VAC14: variants seen among roughly 807,000 people sequenced by gnomAD.
VAC14 encodes the protein protein VAC14 homolog.
A neutral mutation model predicts 85.3 loss-of-function variants in VAC14; 47 were observed. The observed-to-expected ratio is 0.55, with a 90% CI of 0.44 to 0.70. The LOEUF (loss-of-function observed/expected upper bound fraction) is 0.70, where lower values mean the gene tolerates loss of function less well. Ranked by LOEUF, VAC14 falls within the 30% of genes least tolerant of loss-of-function variation. VAC14 has a pLI of 0.00. For synonymous variants in VAC14, 447 were observed against 430.5 expected (o/e 1.04, Z -0.47); for missense variants, 861 against 1,004.3 (o/e 0.86, Z 1.93).
intron 14 of VAC14, among the ~76,000 whole-genome samples, chr16:70,721,072 T>C (rs2054278907): frequency 6.6e-6 from 1 of 152,144 alleles, no homozygotes; most frequent in South Asian, 2.1e-4. Context: ...GGGTGACACA[T>C]GTCCTATTGA....
chr16:70,780,811 T>G lies in VAC14; in HGVS notation c.1075A>C (p.Lys359Gln). 1 of 1,607,926 alleles carries G rather than the reference T, an allele frequency of 6.2e-7. No individual in the cohort carries two copies. Among genetic ancestry groups the G allele is most frequent in the Non-Finnish European group, 8.5e-7 (1 of 1,175,902 alleles). Reference sequence around the variant, plus strand: ...TCACCACTGGCTGTGCCCTCCTGCTTTGGCAGGGCATCGTCAGGGGTGGGC... The same window carrying G: ...TCACCACTGGCTGTGCCCTCCTGCTGTGGCAGGGCATCGTCAGGGGTGGGC... The part of the protein sequence containing the change: ...AEPTPDDALP[K>Q]QEGTASGGPD... Residue 359 changes from lysine (K) to glutamine (Q), a missense_variant, in exon 9 of 19, where the codon AAG becomes CAG. Physicochemically the swap from Lys to Gln is moderately conservative, Grantham distance 53. This residue lies in a region of VAC14 where 629 missense variants were observed against 703.1 expected (regional missense o/e 0.89). Coordinates refer to ENST00000261776, the MANE Select transcript of VAC14 (RefSeq NM_018052.5).
intron 8 of VAC14, among the ~76,000 whole-genome samples, chr16:70,781,396 C>G (rs767539693): frequency 6.6e-6 from 1 of 152,224 alleles, no homozygotes. Flanking sequence ...AGAGTGGTCC[C>G]AGCCAGGGGA....
At chr16:70,738,148 C>T (rs1567553172) in intron 13 of VAC14, among the ~76,000 whole-genome samples, 1 of 152,128 alleles carries the variant, frequency 6.6e-6, no homozygotes, top group Non-Finnish European at 1.5e-5. Flanking sequence ...GGTATGGAAC[C>T]AAGAGGACAG....
intron 14 of VAC14, among the ~76,000 whole-genome samples, chr16:70,703,027 G>A (rs372877371): frequency 6.6e-6 from 1 of 152,358 alleles, no homozygotes; most frequent in East Asian, 1.9e-4. Context: ...TCGACTTCCA[G>A]AACCTGAGTT....
chr16:70,751,965 G>A (rs2031425748), intron 12 of VAC14, among the ~76,000 whole-genome samples: 1 of 152,220 alleles, frequency 6.6e-6, no homozygotes, highest in Non-Finnish European at 1.5e-5. Flanking sequence ...CTAAAAGAAC[G>A]CTTAGCTTTG....
chr16:70,731,805 T>G (rs1216512759), intron 13 of VAC14, among the ~76,000 whole-genome samples, 178 bp from the exon 14 acceptor site: 1 of 152,086 alleles, frequency 6.6e-6, no homozygotes, highest in Non-Finnish European at 1.5e-5. Flanking sequence ...AAGGCAAGTC[T>G]GCACAAGCAA....
chr16:70,766,466 T>G (rs1445503961), intron 10 of VAC14: 1 of 456,622 alleles, frequency 2.2e-6, no homozygotes, highest in Non-Finnish European at 4.4e-6. Context: ...ACAGCGAACC[T>G]GAAGGTATAG....
At position 70,780,841 on chromosome 16, in the gene VAC14, C is replaced by T. The variant is rs1468397236; in HGVS notation, c.1045G>A (p.Ala349Thr). Residue 349 changes from alanine to threonine, a missense_variant, in exon 9 of 19, where the codon GCA (alanine) becomes ACA (threonine). Ala to Thr is a moderately conservative substitution (Grantham distance 58). Transcript: ENST00000261776. ...AGGGCATCGTCAGGGGTGGGCTCTG[C>T]CTGCCTCTGCCCAGGTCTCAGCTCA... Reference protein sequence around the residue: ...LDELRPGQRQAEPTPDDALPK... With the variant: ...LDELRPGQRQTEPTPDDALPK... The T allele has an allele frequency of 6.2e-7, 1 of 1,613,472 alleles. No individual in the cohort carries two copies.
At chr16:70,768,470 C>G (rs1597976582) in intron 10 of VAC14, 1 of 236,788 alleles carries the variant, frequency 4.2e-6, no homozygotes, top group East Asian at 1.6e-4. Context: ...TCCACCTCTC[C>G]CTGGGGAGTC....
chr16:70,764,341 G>A (rs569292188), intron 10 of VAC14, among the ~76,000 whole-genome samples: 53 of 152,310 alleles, frequency 3.5e-4, no homozygotes, highest in African/African-American at 1.2e-3. Context: ...GTCTCTGGGC[G>A]GGTGGCCACT....
chr16:70,762,588 G>T lies in VAC14; in HGVS notation c.1323C>A (p.Asp441Glu). The change falls in exon 12 of 19, where the codon GAC becomes GAA. Residue 441 changes from aspartate to glutamate, a missense_variant. By Grantham distance (45) the Asp-to-Glu change is conservative. Coordinates refer to ENST00000261776, the MANE Select transcript of VAC14 (RefSeq NM_018052.5). The surrounding 1 kb of genome is among the most constrained non-coding windows in gnomAD (Gnocchi z 4.1). ...TCTGCAGTAGGATGGGAAAGAGGCT[G>T]TCCGTGTGCCGGAACATCTGGAGGG... The part of the protein sequence containing the change: ...KTPRKMFRHT[D>E]SLFPILLQTL... The T allele has an allele frequency of 6.2e-7, 1 of 1,614,140 alleles. No homozygotes were observed. Among genetic ancestry groups the T allele is most frequent in the Non-Finnish European group, 8.5e-7 (1 of 1,179,996 alleles).
In VAC14 at chr16:70,763,016, T is replaced by C. The variant is rs1280764559; in HGVS notation, c.1170A>G (p.Arg390=). ...ISVFTAASTE[R]APVTLHLDGI... is the part of the protein sequence containing the mutation. ...CGTCGAGGTGAAGGGTCACTGGGGC[T>C]CTTTCAGTGCTGTGGGTAAGATCGG... Residue 390 remains arginine (R), a synonymous_variant, in exon 11 of 19, where the codon AGA becomes AGG. Coordinates refer to ENST00000261776, the MANE Select transcript of VAC14 (RefSeq NM_018052.5). The C allele has an allele frequency of 6.2e-7, 1 of 1,614,074 alleles. No individual in the cohort carries two copies. The highest frequency in any genetic ancestry group is 8.5e-7 in the Non-Finnish European group (1 of 1,180,028).
chr16:70,775,605 C>G (rs2033477937), intron 9 of VAC14, among the ~76,000 whole-genome samples: 1 of 152,176 alleles, frequency 6.6e-6, no homozygotes, highest in Non-Finnish European at 1.5e-5. Flanking sequence ...TGGGCCCGCT[C>G]AGATGCTCGT....
chr16:70,797,902 T>C (rs376561520), intron 1 of VAC14, among the ~76,000 whole-genome samples: 13 of 152,334 alleles, frequency 8.5e-5, no homozygotes, highest in African/African-American at 2.9e-4. Context: ...GGAAGCATCC[T>C]GAGGCCCCGC....
intron 1 of VAC14, among the ~76,000 whole-genome samples, chr16:70,796,333 C>T (rs1373516413): frequency 1.3e-5 from 2 of 152,190 alleles, no homozygotes; most frequent in East Asian, 3.9e-4. Flanking sequence ...ACAATCCCCT[C>T]TTATTAGTGG....
chr16:70,745,517 G>A (rs913202446), intron 12 of VAC14, among the ~76,000 whole-genome samples: 7 of 134,666 alleles, frequency 5.2e-5, no homozygotes, highest in African/African-American at 2.4e-4. Context: ...GTGTGTGTGT[G>A]TGCGCGTGTG....
At chr16:70,697,033 G>C (rs1245028188) in intron 16 of VAC14, 106 bp downstream of exon 16, 1 of 858,980 alleles carries the variant, frequency 1.2e-6, no homozygotes, top group African/African-American at 1.7e-5. Context: ...GGAGGGGTGG[G>C]GACAGGAGCA....
chr16:70,713,337 G>C (rs1173195204), intron 14 of VAC14, among the ~76,000 whole-genome samples: 2 of 152,244 alleles, frequency 1.3e-5, no homozygotes, highest in Non-Finnish European at 2.9e-5. Flanking sequence ...GCAGCCACCA[G>C]CATAGAGCAG....
chr16:70,795,628 C>G (rs1000757005), intron 1 of VAC14, among the ~76,000 whole-genome samples: 4 of 152,194 alleles, frequency 2.6e-5, no homozygotes, highest in African/African-American at 7.2e-5. Flanking sequence ...GTTCACAGAG[C>G]TCCAGGGACT....
Sources: allele counts gnomAD v4.1 joint callset (sites outside exome capture counted in the v4.1 genomes callset), GRCh38; gene constraint gnomAD v4.1.1; regional missense constraint gnomAD v4.1.1; non-coding constraint Gnocchi (gnomAD v3.1); transcripts MANE v1.5; gene names NCBI Gene and HGNC (gene_info 2026-07-23, HGNC 2026-07-21).